Variants in FRMD4A observed in about 807,000 individuals in gnomAD.
FRMD4A encodes FERM domain-containing protein 4A.
A neutral mutation model predicts 129.1 loss-of-function variants in FRMD4A; 29 were observed. The ratio of observed to expected loss-of-function variants is 0.22; its 90% confidence interval spans 0.17 to 0.31. The LOEUF is 0.31. Among genes scored for constraint, FRMD4A ranks in the 10% least tolerant of loss-of-function variants. The pLI, the probability that FRMD4A is intolerant of heterozygous loss-of-function variation, is 1.00. For missense variants in FRMD4A, 1,272 were observed against 1,375.8 expected, an observed-to-expected ratio of 0.92 and a Z score of 1.19; for synonymous variants, 634 against 571.6, an observed-to-expected ratio of 1.11 and a Z score of -1.56.
chr10:14,257,243 A>C (rs1844648613), intron 2 of FRMD4A, among the ~76,000 whole-genome samples: 1 of 152,180 alleles, frequency 6.6e-6, no homozygotes, highest in Admixed American at 6.5e-5. Flanking sequence ...AGGCACAACA[A>C]TCACTTGAAC....
At chr10:13,781,166 A>T (rs10906477) in intron 6 of FRMD4A, among the ~76,000 whole-genome samples, 118,745 of 151,648 alleles carry the variant, frequency 0.78, 47,230 homozygotes, top group East Asian at 0.95. Context: ...TAGCTGGGTG[A>T]GGTGGCACAC....
At chr10:14,043,815 C>A (rs1262628240) in intron 2 of FRMD4A, among the ~76,000 whole-genome samples, 1 of 152,176 alleles carries the variant, frequency 6.6e-6, no homozygotes, top group East Asian at 1.9e-4. Context: ...TGTCCGGTCC[C>A]AGATCTCTGG....
intron 2 of FRMD4A, among the ~76,000 whole-genome samples, chr10:14,116,468 G>A (rs966327316): frequency 3.3e-5 from 5 of 152,120 alleles, no homozygotes; most frequent in Admixed American, 2.0e-4. Context: ...AAGCAGATAC[G>A]GAGAGTTACC....
chr10:14,265,950 C>T (rs754952536), intron 2 of FRMD4A, among the ~76,000 whole-genome samples: 5 of 152,092 alleles, frequency 3.3e-5, no homozygotes, highest in Non-Finnish European at 7.4e-5. Context: ...TGGTAAAGAC[C>T]TTATCACATA....
chr10:13,734,174 G>C (rs1160947883), intron 12 of FRMD4A, among the ~76,000 whole-genome samples: 1 of 152,138 alleles, frequency 6.6e-6, no homozygotes, highest in Non-Finnish European at 1.5e-5. Flanking sequence ...TCCGCCTACA[G>C]GTGATGAGTA....
chr10:13,813,187 G>A (rs1301013629), intron 3 of FRMD4A, among the ~76,000 whole-genome samples: 1 of 152,248 alleles, frequency 6.6e-6, no homozygotes, highest in African/African-American at 2.4e-5. Context: ...GCTCACGCCT[G>A]TAATCCCAAC....
chr10:13,722,654 A>G lies in FRMD4A; in HGVS notation c.759+15190T>C, dbSNP rs533275921. On this transcript the variant is annotated intron_variant, in intron 12 of 24. Transcript: ENST00000357447. ...ACTTCACCGCTGCCTAACTAGAGCC[A>G]TAGGATAGTAAACTGGAAGTTCTGG... 2.6e-5 allele frequency among the ~76,000 whole-genome samples: 4 copies of G among 152,320 alleles called. No individual in the cohort carries two copies. In the South Asian group the frequency reaches 8.3e-4, roughly 32 times the overall value.
rs1470077782 is a variant in FRMD4A, at chr10:14,159,222, G to A, written c.45+170836C>T. On this transcript the variant is annotated intron_variant, in intron 2 of 24. Coordinates refer to ENST00000357447, the MANE Select transcript of FRMD4A (RefSeq NM_018027.5). ...AGCCATTAAACTTGAGGGAGTAAATGTTCCCTAGCTCAAGGCTGTGCAATA... is the reference window on the plus strand; with the variant it reads ...AGCCATTAAACTTGAGGGAGTAAATATTCCCTAGCTCAAGGCTGTGCAATA... 2.6e-5 allele frequency among the ~76,000 whole-genome samples: 4 copies of A among 152,304 alleles called. No homozygotes were observed. The East Asian group carries it at 7.7e-4, about 29-fold the overall frequency.
intron 20 of FRMD4A, 105 bp downstream of exon 20, chr10:13,660,211 G>T: frequency 1.3e-6 from 1 of 757,844 alleles, no homozygotes; most frequent in South Asian, 1.7e-5. Flanking sequence ...GGAGGAACTA[G>T]GTTGATGTGG....
intron 2 of FRMD4A, among the ~76,000 whole-genome samples, chr10:13,887,400 G>A (rs756049717): frequency 5.3e-5 from 8 of 152,204 alleles, no homozygotes; most frequent in Non-Finnish European, 1.5e-5. Flanking sequence ...AAGAACTGAG[G>A]CCGGGGGCGG....
chr10:13,879,776 TCTTCCTCCTCCTCCTCC>T (rs1251084617), intron 2 of FRMD4A, among the ~76,000 whole-genome samples: 6 of 99,336 alleles, frequency 6.0e-5, no homozygotes, highest in Non-Finnish European at 1.1e-4. Context: ...TCCTTCCCCT[TCTTCCTCCTCCTCCTCC>T]CTTCCTCCTC....
chr10:13,654,054 T>C, intron 23 of FRMD4A: 1 of 434,824 alleles, frequency 2.3e-6, no homozygotes, highest in Non-Finnish European at 4.0e-6. Flanking sequence ...GCTCTCTTTC[T>C]CCCCCTGACA....
chr10:14,031,458 G>A (rs1342657266), intron 2 of FRMD4A, among the ~76,000 whole-genome samples: 1 of 152,108 alleles, frequency 6.6e-6, no homozygotes, highest in Non-Finnish European at 1.5e-5. Flanking sequence ...AGTAGAGATG[G>A]GGGTTCACCA....
intron 2 of FRMD4A, among the ~76,000 whole-genome samples, chr10:13,914,230 T>C (rs1268782079): frequency 6.6e-6 from 1 of 152,206 alleles, no homozygotes; most frequent in Admixed American, 6.5e-5. Flanking sequence ...TTTCTCATGA[T>C]CTACTCAAGG....
chr10:13,790,697 CA>C (rs5783348), intron 5 of FRMD4A, among the ~76,000 whole-genome samples: 66,179 of 151,362 alleles, frequency 0.44, 14,845 homozygotes, highest in Middle Eastern at 0.51. Flanking sequence ...CTCCAGTGAC[CA>C]GGGGGTACGA....
intron 2 of FRMD4A, among the ~76,000 whole-genome samples, chr10:14,178,934 C>G (rs760671201): frequency 1.3e-5 from 2 of 152,086 alleles, no homozygotes; most frequent in Non-Finnish European, 2.9e-5. Flanking sequence ...GGAAAACTCC[C>G]CACACCAAGG....
intron 2 of FRMD4A, among the ~76,000 whole-genome samples, chr10:14,245,416 GT>G (rs1288685496): frequency 2.6e-5 from 4 of 152,212 alleles, no homozygotes; most frequent in Non-Finnish European, 5.9e-5. Flanking sequence ...CACTGAGGGA[GT>G]AAGGTAGAGA....
At chr10:14,166,663 T>C (rs1419502055) in intron 2 of FRMD4A, among the ~76,000 whole-genome samples, 1 of 152,180 alleles carries the variant, frequency 6.6e-6, no homozygotes, top group African/African-American at 2.4e-5. Context: ...AAACAGTCAG[T>C]CAATGCTGGT....
At chr10:13,762,772 T>C in intron 6 of FRMD4A, 92 bp from the exon 7 acceptor site, 2 of 783,198 alleles carry the variant, frequency 2.6e-6, no homozygotes, top group South Asian at 1.5e-5. Flanking sequence ...TTCGGGAGGA[T>C]TACTTGAGCC....
Sources: gnomAD v4.1 joint callset for allele counts (sites outside exome capture counted in the v4.1 genomes callset) on GRCh38, gnomAD v4.1.1 for gene constraint, MANE v1.5 for transcripts, NCBI Gene and HGNC (gene_info 2026-07-23, HGNC 2026-07-21) for gene names.